RAP2A: variants seen among roughly 807,000 people sequenced by gnomAD.
The protein encoded by RAP2A is RAP2A, member of RAS oncogene family.
A neutral mutation model predicts 15.1 loss-of-function variants in RAP2A; 5 were observed. The observed-to-expected ratio is 0.33, with a 90% CI of 0.17 to 0.70. RAP2A has a LOEUF of 0.70. RAP2A is among the 30% of genes least tolerant of loss of function. RAP2A has a pLI of 0.68. For missense variants in RAP2A, 111 were observed against 240.3 expected (o/e 0.46, Z 3.56); for synonymous variants, 110 against 99.7 (o/e 1.10, Z -0.62).
intron 1 of RAP2A, among the ~76,000 whole-genome samples, chr13:97,441,202 A>C (rs895538315): frequency 6.6e-6 from 1 of 152,158 alleles, no homozygotes; most frequent in African/African-American, 2.4e-5. Flanking sequence ...ATGAACCTTA[A>C]AGAATCAGCA....
At chr13:97,437,398 T>C (rs2066639098) in intron 1 of RAP2A, 1 of 152,190 alleles carries the variant, frequency 6.6e-6, no homozygotes, top group Non-Finnish European at 1.5e-5. Flanking sequence ...TGCTTATTTC[T>C]CTAAGCTTCA....
chr13:97,466,113 CT>C lies in RAP2A; in HGVS notation c.*1677del, dbSNP rs1465535739. ...ACTGCAGAATATAGTGTATCAAAAA[CT>C]TTTTTCTTTTAAATTATTAAAGTGT... On this transcript the variant is annotated 3_prime_UTR_variant, in exon 2 of 2. Transcript: ENST00000245304. The C allele has an allele frequency of 1.3e-5, 2 of 151,442 alleles. No individual in the cohort carries two copies. Among genetic ancestry groups the C allele is most frequent in the African/African-American group, 4.9e-5 (2 of 41,132 alleles). The allele number at this position is 151,442 out of a possible 1,614,324, so 9.4% of individuals were successfully genotyped here.
chr13:97,443,399 A>G (rs2066666068), intron 1 of RAP2A, among the ~76,000 whole-genome samples: 1 of 152,164 alleles, frequency 6.6e-6, no homozygotes, highest in Admixed American at 6.5e-5. Flanking sequence ...ATCTTAGAGT[A>G]TTTTAAGAGA....
intron 1 of RAP2A, among the ~76,000 whole-genome samples, chr13:97,452,669 C>A (rs2066707513): frequency 6.7e-6 from 1 of 150,280 alleles, no homozygotes; most frequent in African/African-American, 2.5e-5. Flanking sequence ...CACACACACA[C>A]AACCAACGGA....
At chr13:97,450,869 C>T (rs1385105488) in intron 1 of RAP2A, among the ~76,000 whole-genome samples, 1 of 152,076 alleles carries the variant, frequency 6.6e-6, no homozygotes, top group Non-Finnish European at 1.5e-5. Flanking sequence ...TTTTGAGGTA[C>T]TGTGACATCT....
At chr13:97,460,795 T>C (rs1482851740) in intron 1 of RAP2A, among the ~76,000 whole-genome samples, 1 of 152,192 alleles carries the variant, frequency 6.6e-6, no homozygotes, top group African/African-American at 2.4e-5. Context: ...TCTGCTTTCC[T>C]AGGCCCCCAT....
At chr13:97,459,676 G>A (rs1225042818) in intron 1 of RAP2A, among the ~76,000 whole-genome samples, 1 of 152,164 alleles carries the variant, frequency 6.6e-6, no homozygotes, top group Non-Finnish European at 1.5e-5. Flanking sequence ...TCCCATCTTT[G>A]TTCACAGCCA....
chr13:97,454,904 T>A (rs2066716584), intron 1 of RAP2A, among the ~76,000 whole-genome samples: 1 of 151,202 alleles, frequency 6.6e-6, no homozygotes, highest in African/African-American at 2.4e-5. Context: ...GTTGACAGGG[T>A]TTTTTGTTTT....
At chr13:97,453,408 A>C (rs1483157909) in intron 1 of RAP2A, among the ~76,000 whole-genome samples, 1 of 151,162 alleles carries the variant, frequency 6.6e-6, no homozygotes, top group Admixed American at 6.6e-5. Flanking sequence ...GTCCCTGCCA[A>C]CCATTGGTCT....
Position 97,468,648 on chromosome 13 carries a change from A to G in RAP2A, c.*4206A>G, listed in dbSNP as rs1007789094. On this transcript the variant is annotated 3_prime_UTR_variant, in exon 2 of 2. Transcript: ENST00000245304. ...GATTATAAGAATAATTTGAATGAAT[A>G]TAACAGAGGCACTGTAGATAGAATC... 2 of 152,272 alleles carry G rather than the reference A, an allele frequency of 1.3e-5. No individual in the cohort carries two copies. Among genetic ancestry groups the G allele is most frequent in the African/African-American group, 2.4e-5 (1 of 41,472 alleles). 9.4% of individuals were successfully genotyped at this position (152,272 alleles called of 1,614,324 possible).
chr13:97,459,873 C>T (rs184900345), intron 1 of RAP2A, among the ~76,000 whole-genome samples: 3 of 152,280 alleles, frequency 2.0e-5, no homozygotes, highest in Non-Finnish European at 4.4e-5. Context: ...TTGCTTTGTC[C>T]ATTGATGTAA....
At chr13:97,451,848 C>T (rs1279465530) in intron 1 of RAP2A, among the ~76,000 whole-genome samples, 2 of 151,266 alleles carry the variant, frequency 1.3e-5, no homozygotes, top group Non-Finnish European at 2.9e-5. Flanking sequence ...TTCTAGGAAC[C>T]TCAGTGTGAT....
rs1238441463 is a variant in RAP2A at position 97,434,644 on chromosome 13, G to T, written c.174G>T (p.Thr58=). The T allele has an allele frequency of 5.0e-6, 8 of 1,614,150 alleles. No individual in the cohort carries two copies. The highest frequency in any genetic ancestry group is 5.1e-6 in the Non-Finnish European group (6 of 1,180,016). ...CGTCGGTGCTGGAGATCCTGGACAC[G>T]GCGGGCACCGAGCAGTTCGCGTCCA... is the stretch of plus-strand genomic sequence containing the variant. ...SSPSVLEILD[T]AGTEQFASMR... Residue 58 remains threonine, a synonymous_variant, in exon 1 of 2, where the codon ACG becomes ACT. Coordinates refer to ENST00000245304, the MANE Select transcript of RAP2A (RefSeq NM_021033.7).
chr13:97,450,091 A>G (rs771880918), intron 1 of RAP2A, among the ~76,000 whole-genome samples: 2 of 152,160 alleles, frequency 1.3e-5, no homozygotes, highest in Non-Finnish European at 2.9e-5. Flanking sequence ...TTCATAATTT[A>G]AAAGTTCCTA....
chr13:97,448,525 A>G (rs2066689085), intron 1 of RAP2A, among the ~76,000 whole-genome samples: 1 of 152,184 alleles, frequency 6.6e-6, no homozygotes, highest in Non-Finnish European at 1.5e-5. Flanking sequence ...ACACCTAAGT[A>G]TCAATTAATG....
intron 1 of RAP2A, among the ~76,000 whole-genome samples, chr13:97,453,508 T>C (rs1008840267): frequency 3.3e-5 from 5 of 151,370 alleles, no homozygotes; most frequent in Admixed American, 2.6e-4. Flanking sequence ...CCCTTTTTAC[T>C]CAGCTAAATT....
chr13:97,464,229 G>T lies in RAP2A; in HGVS notation c.339G>T (p.Leu113Phe). The stretch of plus-strand genomic sequence containing the variant: ...GGTATGAGAAAGTGCCAGTCATCTT[G>T]GTTGGGAACAAAGTGGACCTGGAAA... ...VKRYEKVPVILVGNKVDLESE... is the reference protein window; with the variant it reads ...VKRYEKVPVIFVGNKVDLESE... The change falls in exon 2 of 2, where the codon TTG becomes TTT. Residue 113 changes from leucine to phenylalanine, a missense_variant. Leu to Phe is a conservative substitution (Grantham distance 22). Transcript: ENST00000245304. 2.5e-6 allele frequency: 4 copies of T among 1,614,190 alleles called. No individual in the cohort carries two copies. The highest frequency in any genetic ancestry group is 3.4e-6 in the Non-Finnish European group (4 of 1,180,024).
At chr13:97,442,301 T>C (rs1183894075) in intron 1 of RAP2A, among the ~76,000 whole-genome samples, 2 of 152,140 alleles carry the variant, frequency 1.3e-5, no homozygotes, top group African/African-American at 4.8e-5. Flanking sequence ...GATGGGGATT[T>C]GTTTTTGTTT....
chr13:97,435,589 T>TTA (rs940622037), intron 1 of RAP2A, among the ~76,000 whole-genome samples: 60 of 150,990 alleles, frequency 4.0e-4, no homozygotes, highest in African/African-American at 6.1e-4. Flanking sequence ...TAATAAGCCT[T>TTA]TATATATATA....
Sources: allele counts gnomAD v4.1 joint callset (sites outside exome capture counted in the v4.1 genomes callset), GRCh38; gene constraint gnomAD v4.1.1; transcripts MANE v1.5; gene names NCBI Gene and HGNC (gene_info 2026-07-23, HGNC 2026-07-21).